MPPED1: variants seen among roughly 807,000 people sequenced by gnomAD.
The protein encoded by MPPED1 is metallophosphoesterase domain containing 1.
In MPPED1, 16 loss-of-function variants were observed where a neutral mutation model predicts 36.2. The ratio of observed to expected loss-of-function variants is 0.44; its 90% CI spans 0.30 to 0.67. The LOEUF (loss-of-function observed/expected upper bound fraction) is 0.67, where lower values mean the gene tolerates loss of function less well. Among genes scored for constraint, MPPED1 ranks in the 30% least tolerant of loss-of-function variants. The pLI is 0.10. For synonymous variants in MPPED1, 199 were observed against 191.3 expected (o/e 1.04, Z -0.33); for missense variants, 307 against 453.4 (o/e 0.68, Z 2.93).
intron 3 of MPPED1, among the ~76,000 whole-genome samples, chr22:43,466,338 C>T (rs1322853864): frequency 6.6e-6 from 1 of 151,986 alleles, no homozygotes; most frequent in East Asian, 1.9e-4. Context: ...GTTGTGGCAC[C>T]GAGCTCTGGG....
intron 4 of MPPED1, among the ~76,000 whole-genome samples, chr22:43,491,187 A>G (rs915308683): frequency 1.3e-5 from 2 of 152,222 alleles, no homozygotes; most frequent in Non-Finnish European, 2.9e-5. Flanking sequence ...AAGGTTTTTC[A>G]TTCAGGCTCC....
At chr22:43,419,817 C>T (rs1002433899) in intron 1 of MPPED1, among the ~76,000 whole-genome samples, 4 of 152,136 alleles carry the variant, frequency 2.6e-5, no homozygotes, top group African/African-American at 9.7e-5. Flanking sequence ...GCTTTCCATA[C>T]AGTTGGCGTC....
Position 43,505,728 on chromosome 22 carries a change from G to C in MPPED1, c.*112G>C. The C allele has an allele frequency of 1.1e-6, 1 of 922,380 alleles. No individual in the cohort carries two copies. Among genetic ancestry groups the C allele is most frequent in the Non-Finnish European group, 1.7e-6 (1 of 596,626 alleles). 57.1% of individuals were successfully genotyped at this position (922,380 alleles called of 1,614,324 possible). On this transcript the variant is annotated 3_prime_UTR_variant, in exon 7 of 7. Transcript: ENST00000443721. Reference sequence around the variant, plus strand: ...GACGACCCATCTGGCTGCGGGGACTGGCCTAGCAGGCAGGTCAGGGCCTTG... The same window carrying C: ...GACGACCCATCTGGCTGCGGGGACTCGCCTAGCAGGCAGGTCAGGGCCTTG...
intron 3 of MPPED1, among the ~76,000 whole-genome samples, chr22:43,466,349 A>T (rs1352928838): frequency 6.6e-6 from 1 of 152,036 alleles, no homozygotes; most frequent in Non-Finnish European, 1.5e-5. Context: ...GAGCTCTGGG[A>T]AGCCAGACCT....
At chr22:43,416,843 C>A in intron 1 of MPPED1, 1 of 224,564 alleles carries the variant, frequency 4.5e-6, no homozygotes, top group Non-Finnish European at 7.4e-6. Flanking sequence ...GGTTTACAAA[C>A]ATATTTCTCT....
At chr22:43,449,876 C>CA (rs1475848446) in intron 3 of MPPED1, among the ~76,000 whole-genome samples, 1 of 151,972 alleles carries the variant, frequency 6.6e-6, no homozygotes, top group Non-Finnish European at 1.5e-5. Context: ...AAGTTCCAGG[C>CA]GATGCAGCAT....
chr22:43,482,237 G>C (rs981036708), intron 4 of MPPED1, among the ~76,000 whole-genome samples: 2 of 152,194 alleles, frequency 1.3e-5, no homozygotes, highest in African/African-American at 4.8e-5. Flanking sequence ...GAGGGAGAGA[G>C]TGAAATTGGC....
intron 3 of MPPED1, among the ~76,000 whole-genome samples, chr22:43,437,692 C>G (rs750508476): frequency 1.3e-5 from 2 of 152,198 alleles, no homozygotes; most frequent in Admixed American, 6.5e-5. Flanking sequence ...GGCGGTTAGG[C>G]TCCCCTGCCT....
chr22:43,418,018 A>G lies in MPPED1; in HGVS notation c.-79+5860A>G, dbSNP rs56212617. On this transcript the variant is annotated intron_variant, in intron 1 of 6. Transcript: ENST00000443721. Reference sequence around the variant, plus strand: ...ATAAGACAGTCGTTTCTGTGTGCTCATTGACTGTCATCCGAGTTTTGGACC... The same window carrying G: ...ATAAGACAGTCGTTTCTGTGTGCTCGTTGACTGTCATCCGAGTTTTGGACC... 1,268 of 456,064 alleles carry G rather than the reference A, an allele frequency of 2.8e-3. 4 individuals are homozygous for G. Among genetic ancestry groups the G allele is most frequent in the African/African-American group, 0.023 (1,158 of 50,168 alleles). The allele number at this position is 456,064 out of a possible 1,614,324, so 28.3% of individuals were successfully genotyped here.
intron 2 of MPPED1, among the ~76,000 whole-genome samples, chr22:43,428,321 G>A (rs1274983305): frequency 6.6e-6 from 1 of 152,230 alleles, no homozygotes; most frequent in African/African-American, 2.4e-5. Context: ...GCTGGGGTTT[G>A]GGTGGGACCC....
chr22:43,500,700 G>A (rs2146926596), intron 5 of MPPED1, among the ~76,000 whole-genome samples: 1 of 152,182 alleles, frequency 6.6e-6, no homozygotes, highest in Admixed American at 6.5e-5. Context: ...CCTGTGCTGG[G>A]TGACACTGGT....
intron 4 of MPPED1, among the ~76,000 whole-genome samples, chr22:43,483,010 G>C (rs1931797658): frequency 6.6e-6 from 1 of 152,180 alleles, no homozygotes; most frequent in African/African-American, 2.4e-5. Context: ...AACAGTCAGG[G>C]AGGCCTAGAC....
chr22:43,481,216 T>C (rs2024631), intron 4 of MPPED1, among the ~76,000 whole-genome samples: 9,317 of 152,238 alleles, frequency 0.061, 381 homozygotes, highest in African/African-American at 0.12. Flanking sequence ...TGGTGTGAGA[T>C]AGGGATCTTG....
chr22:43,445,442 C>A (rs1043448762), intron 3 of MPPED1, among the ~76,000 whole-genome samples: 1 of 151,878 alleles, frequency 6.6e-6, no homozygotes, highest in Non-Finnish European at 1.5e-5. Context: ...GTGTATCAGA[C>A]TTAACACAGC....
Position 43,474,664 on chromosome 22 carries a change from C to G in MPPED1, c.407-72C>G, listed in dbSNP as rs1285141096. ...GCAGCTTCCTCCTGCCCGCCCCTCT[C>G]TCAGCCGTGCTGTGGCTTCTGGACA... On this transcript the variant is annotated intron_variant, in intron 3 of 6. Coordinates refer to ENST00000443721, the MANE Select transcript of MPPED1 (RefSeq NM_001044370.2). The surrounding 1 kb of genome is among the most constrained non-coding windows in gnomAD (Gnocchi z 5.2). The G allele has an allele frequency of 1.6e-5, 25 of 1,577,700 alleles. No individual in the cohort carries two copies. Among genetic ancestry groups the G allele is most frequent in the Non-Finnish European group, 2.2e-5 (25 of 1,150,640 alleles).
intron 4 of MPPED1, among the ~76,000 whole-genome samples, chr22:43,491,951 G>A (rs569378924): frequency 9.3e-5 from 14 of 151,348 alleles, no homozygotes; most frequent in South Asian, 4.2e-4. Flanking sequence ...TGATGGAGGC[G>A]GTGGTGATGG....
chr22:43,501,783 A>G (rs768548855), intron 5 of MPPED1, among the ~76,000 whole-genome samples: 6 of 151,106 alleles, frequency 4.0e-5, no homozygotes, highest in Non-Finnish European at 5.9e-5. Flanking sequence ...CCTGTGCCCA[A>G]CCCATTCCTG....
chr22:43,453,736 A>G (rs1230352120), intron 3 of MPPED1, among the ~76,000 whole-genome samples: 1 of 152,212 alleles, frequency 6.6e-6, no homozygotes, highest in African/African-American at 2.4e-5. Flanking sequence ...CTGCCTGCTC[A>G]CACTTCTAGT....
intron 3 of MPPED1, among the ~76,000 whole-genome samples, chr22:43,454,606 T>C (rs760369521): frequency 7.2e-5 from 11 of 151,754 alleles, no homozygotes; most frequent in Admixed American, 1.3e-4. Flanking sequence ...TATTAAGTTA[T>C]AGGGCTCTAT....
Sources: gnomAD v4.1 joint callset for allele counts (sites outside exome capture counted in the v4.1 genomes callset) on GRCh38, gnomAD v4.1.1 for gene constraint, Gnocchi (gnomAD v3.1) non-coding constraint, MANE v1.5 for transcripts, NCBI Gene and HGNC (gene_info 2026-07-23, HGNC 2026-07-21) for gene names.